CAV1: variants seen among roughly 807,000 people sequenced by gnomAD.
The protein encoded by CAV1 is caveolin 1, also known as caveolin-1.
CAV1 carries 10 observed loss-of-function variants against 16.5 expected under a neutral mutation model. That is an observed-to-expected ratio of 0.61 (90% CI 0.37 to 1.03). CAV1 has a LOEUF of 1.03. Ranked by LOEUF, CAV1 falls within the 50% of genes least tolerant of loss-of-function variation. The pLI is 0.01. For synonymous variants in CAV1, 76 were observed against 85.1 expected (o/e 0.89, Z 0.59); for missense variants, 212 against 232.8 (o/e 0.91, Z 0.58).
chr7:116,545,319 C>T (rs1471440825), intron 2 of CAV1, among the ~76,000 whole-genome samples: 2 of 152,130 alleles, frequency 1.3e-5, no homozygotes, highest in South Asian at 2.1e-4. Flanking sequence ...ATCATTAGAC[C>T]TAAAATGTTA....
In CAV1 at chr7:116,549,057, G is replaced by C. The variant is rs541145818; in HGVS notation, c.196-9889G>C. On this transcript the variant is annotated intron_variant, in intron 2 of 2. Transcript: ENST00000341049. ...CACCTGAAGTCATTCTAAAGAGTATGCCTGCCTCTTTTCCTGCACAGACAC... is the reference window on the plus strand; with the variant it reads ...CACCTGAAGTCATTCTAAAGAGTATCCCTGCCTCTTTTCCTGCACAGACAC... 7.2e-5 allele frequency among the ~76,000 whole-genome samples: 11 copies of C among 152,284 alleles called. No individual in the cohort carries two copies. In the South Asian group the frequency reaches 2.3e-3, roughly 32 times the overall value.
intron 2 of CAV1, among the ~76,000 whole-genome samples, chr7:116,536,413 A>G (rs1793817795): frequency 6.6e-6 from 1 of 152,178 alleles, no homozygotes; most frequent in African/African-American, 2.4e-5. Flanking sequence ...ATGTAAACAA[A>G]CCTGAGTGAG....
chr7:116,551,058 T>G (rs1794152203), intron 2 of CAV1, among the ~76,000 whole-genome samples: 1 of 152,130 alleles, frequency 6.6e-6, no homozygotes, highest in Non-Finnish European at 1.5e-5. Flanking sequence ...GAGCTGTAAT[T>G]AAATCCAAGG....
At chr7:116,536,693 G>T (rs1793823798) in intron 2 of CAV1, among the ~76,000 whole-genome samples, 1 of 152,144 alleles carries the variant, frequency 6.6e-6, no homozygotes, top group Non-Finnish European at 1.5e-5. Flanking sequence ...ACCCACAGAG[G>T]GCTTTTTAGG....
intron 2 of CAV1, among the ~76,000 whole-genome samples, chr7:116,534,384 TATATATA>T (rs1169251654): frequency 3.0e-4 from 4 of 13,546 alleles, no homozygotes; most frequent in East Asian, 0.01. Context: ...TATATATATA[TATATATA>T]TATATTTTTT....
intron 2 of CAV1, among the ~76,000 whole-genome samples, chr7:116,546,372 A>G (rs570190086): frequency 2.6e-4 from 39 of 152,096 alleles, no homozygotes; most frequent in African/African-American, 7.5e-4. Context: ...GCGGTTTTAG[A>G]TTCCGATGTG....
intron 2 of CAV1, among the ~76,000 whole-genome samples, chr7:116,548,051 T>C (rs1406961338): frequency 6.6e-6 from 1 of 152,156 alleles, no homozygotes; most frequent in Non-Finnish European, 1.5e-5. Context: ...GTCACATTTT[T>C]CAGATCTGCT....
chr7:116,552,249 C>T (rs1017546817), intron 2 of CAV1, among the ~76,000 whole-genome samples: 6 of 152,148 alleles, frequency 3.9e-5, no homozygotes, highest in African/African-American at 1.4e-4. Flanking sequence ...TTGTTTCAGT[C>T]TTAGTCGATG....
chr7:116,537,540 G>GT (rs1562831397), intron 2 of CAV1, among the ~76,000 whole-genome samples: 1 of 152,208 alleles, frequency 6.6e-6, no homozygotes, highest in Non-Finnish European at 1.5e-5. Flanking sequence ...GCAGGAAGTG[G>GT]TAGAGTCAGG....
chr7:116,537,561 A>G (rs533887724), intron 2 of CAV1, among the ~76,000 whole-genome samples: 31 of 152,360 alleles, frequency 2.0e-4, no homozygotes, highest in African/African-American at 7.2e-4. Context: ...GTTTGAACCC[A>G]GGTAGTGAAA....
intron 2 of CAV1, among the ~76,000 whole-genome samples, chr7:116,534,372 TATATATATATATATATATATATA>T (rs1793751864): frequency 6.7e-5 from 1 of 14,942 alleles, no homozygotes; most frequent in African/African-American, 1.6e-4. Flanking sequence ...GATATATATA[TATATATATATATATATATATATA>T]TTTTTTTTTT....
chr7:116,534,452 T>G (rs1461350421), intron 2 of CAV1, among the ~76,000 whole-genome samples: 2 of 132,732 alleles, frequency 1.5e-5, no homozygotes, highest in African/African-American at 5.6e-5. Context: ...CAGGCTGGAG[T>G]GCAGTGGCAT....
chr7:116,555,619 AAGGG>A lies in CAV1; in HGVS notation c.196-3312_196-3309del, dbSNP rs139872813. Among the ~76,000 whole-genome samples the A allele has an allele frequency of 7.8e-4, 91 of 116,638 alleles. 2 individuals carry two copies. Among genetic ancestry groups the A allele is most frequent in the South Asian group, 2.1e-3 (6 of 2,926 alleles). The allele number at this position is 116,638 out of a possible 152,430, so 76.5% of individuals were successfully genotyped here. A position where few individuals can be genotyped will look rare whatever the true frequency, so the allele number is the denominator to read the frequency against. On this transcript the variant is annotated intron_variant, in intron 2 of 2. Coordinates refer to ENST00000341049, the MANE Select transcript of CAV1 (RefSeq NM_001753.5). Reference sequence around the variant, plus strand: ...AAGAAAGAAAGAGAAAGAAAGAAAGAAGGGAGGGAGGGAGGGAGAGGAGAGAAAG... The same window carrying A: ...AAGAAAGAAAGAGAAAGAAAGAAAGAAGGGAGGGAGGGAGAGGAGAGAAAG...
At chr7:116,546,709 A>G (rs1221121112) in intron 2 of CAV1, among the ~76,000 whole-genome samples, 2 of 150,582 alleles carry the variant, frequency 1.3e-5, no homozygotes, top group Non-Finnish European at 2.9e-5. Context: ...AAAAAAAAAA[A>G]AAAAAGTCTG....
intron 2 of CAV1, among the ~76,000 whole-genome samples, chr7:116,539,620 A>G (rs1420891047): frequency 6.6e-6 from 1 of 152,228 alleles, no homozygotes; most frequent in Non-Finnish European, 1.5e-5. Flanking sequence ...GAGAAAACTC[A>G]TTCTAATATG....
intron 2 of CAV1, among the ~76,000 whole-genome samples, chr7:116,531,734 C>G (rs1793690616): frequency 6.6e-6 from 1 of 152,170 alleles, no homozygotes; most frequent in South Asian, 2.1e-4. Flanking sequence ...ATTGTCTCGG[C>G]ACCATGTTAA....
Position 116,559,415 on chromosome 7 carries a change from A to G in CAV1, c.*128A>G. ...TGAATTATCTTGGTTGAAAATAAAAAGATCACTTTCTCAGTTTTCATAAGT... is the reference window on the plus strand; with the variant it reads ...TGAATTATCTTGGTTGAAAATAAAAGGATCACTTTCTCAGTTTTCATAAGT... On this transcript the variant is annotated 3_prime_UTR_variant, in exon 3 of 3. Transcript: ENST00000341049. The G allele has an allele frequency of 1.4e-6, 1 of 700,982 alleles. No homozygotes were observed. Among genetic ancestry groups the G allele is most frequent in the Non-Finnish European group, 2.5e-6 (1 of 402,156 alleles). The allele number at this position is 700,982 out of a possible 1,614,324, so 43.4% of individuals were successfully genotyped here.
chr7:116,527,669 G>A (rs895428816), intron 2 of CAV1, among the ~76,000 whole-genome samples: 3 of 152,090 alleles, frequency 2.0e-5, no homozygotes, highest in African/African-American at 4.8e-5. Flanking sequence ...AGAAATGGAG[G>A]GCTAAGGAAA....
At chr7:116,526,901 T>G in intron 2 of CAV1, 4 of 587,860 alleles carry the variant, frequency 6.8e-6, no homozygotes, top group Non-Finnish European at 9.2e-6. Flanking sequence ...CTCCCCCCAA[T>G]AGTTAGTTCA....
Sources: allele counts gnomAD v4.1 joint callset (sites outside exome capture counted in the v4.1 genomes callset), GRCh38; gene constraint gnomAD v4.1.1; transcripts MANE v1.5; gene names NCBI Gene and HGNC (gene_info 2026-07-23, HGNC 2026-07-21).